GPC5: variants seen among roughly 807,000 people sequenced by gnomAD.
GPC5 encodes glypican 5, also known as glypican-5.
A neutral mutation model predicts 53.9 loss-of-function variants in GPC5; 47 were observed. That is an observed-to-expected ratio of 0.87 (90% CI 0.69 to 1.11). GPC5 has a LOEUF of 1.11. Ranked by LOEUF, GPC5 falls within the 50% of genes most tolerant of loss-of-function variation. GPC5 has a pLI of 0.00. For synonymous variants in GPC5, 286 were observed against 263.3 expected, an observed-to-expected ratio of 1.09 and a Z score of -0.84; for missense variants, 748 against 713.1, an observed-to-expected ratio of 1.05 and a Z score of -0.56.
rs183647799 is a variant in GPC5, at chr13:91,642,981, A to C, written c.326-50206A>C. Among the ~76,000 whole-genome samples, 92 of 152,272 alleles carry C rather than the reference A, an allele frequency of 6.0e-4. 1 individual carries two copies. Among genetic ancestry groups the C allele is most frequent in the Non-Finnish European group, 9.9e-4 (67 of 68,018 alleles). Reference sequence around the variant, plus strand: ...AAAGATAAGCTCCTGCTTGCCACATAAGTACGTTGAGTCCTTGATATTGGA... The same window carrying C: ...AAAGATAAGCTCCTGCTTGCCACATCAGTACGTTGAGTCCTTGATATTGGA... On this transcript the variant is annotated intron_variant, in intron 2 of 7. Coordinates refer to ENST00000377067, the MANE Select transcript of GPC5 (RefSeq NM_004466.6).
At chr13:92,781,768 G>A (rs1291077290) in intron 7 of GPC5, among the ~76,000 whole-genome samples, 1 of 151,994 alleles carries the variant, frequency 6.6e-6, no homozygotes, top group Non-Finnish European at 1.5e-5. Context: ...ATTACCCCTG[G>A]GCATTTAAAA....
intron 2 of GPC5, among the ~76,000 whole-genome samples, chr13:91,469,809 G>A (rs1326796407): frequency 1.3e-5 from 2 of 152,144 alleles, no homozygotes; most frequent in African/African-American, 4.8e-5. Context: ...GGAGGCCGAG[G>A]TGGGTGGATC....
At chr13:92,147,313 A>G (rs1195480859) in intron 7 of GPC5, among the ~76,000 whole-genome samples, 1 of 152,028 alleles carries the variant, frequency 6.6e-6, no homozygotes, top group East Asian at 1.9e-4. Context: ...ATTTATTTGT[A>G]CTATAATTGC....
At chr13:92,765,774 T>C (rs1197703446) in intron 7 of GPC5, among the ~76,000 whole-genome samples, 1 of 152,178 alleles carries the variant, frequency 6.6e-6, no homozygotes, top group Non-Finnish European at 1.5e-5. Context: ...AGCACTGTAC[T>C]AGGTCAGAAA....
chr13:92,091,553 A>G (rs1733887298), intron 6 of GPC5, among the ~76,000 whole-genome samples: 1 of 152,120 alleles, frequency 6.6e-6, no homozygotes, highest in Non-Finnish European at 1.5e-5. Context: ...GCTATAATAT[A>G]CCAGTCCCTG....
chr13:92,474,698 C>T (rs1035883478), intron 7 of GPC5, among the ~76,000 whole-genome samples: 1 of 151,170 alleles, frequency 6.6e-6, no homozygotes, highest in African/African-American at 2.4e-5. Context: ...ATAAAATGAA[C>T]TACAAGTACA....
chr13:92,398,898 T>C (rs149340253), intron 7 of GPC5, among the ~76,000 whole-genome samples: 1 of 152,238 alleles, frequency 6.6e-6, no homozygotes, highest in East Asian at 1.9e-4. Flanking sequence ...TAATCTCTCT[T>C]TCTCTCCCCC....
intron 6 of GPC5, among the ~76,000 whole-genome samples, chr13:92,098,441 A>C (rs2041438606): frequency 6.6e-6 from 1 of 152,122 alleles, no homozygotes; most frequent in African/African-American, 2.4e-5. Flanking sequence ...GGGATTTTTG[A>C]GCTGATCAAA....
intron 2 of GPC5, among the ~76,000 whole-genome samples, chr13:91,509,945 G>A (rs1885149948): frequency 6.6e-6 from 1 of 151,874 alleles, no homozygotes; most frequent in African/African-American, 2.4e-5. Context: ...AAGCCAATAT[G>A]GTTTGTCATT....
chr13:92,648,055 T>C (rs1885831307), intron 7 of GPC5, among the ~76,000 whole-genome samples: 1 of 151,742 alleles, frequency 6.6e-6, no homozygotes, highest in Non-Finnish European at 1.5e-5. Context: ...TAATTTTATA[T>C]CTAAAATGCT....
chr13:91,708,517 A>G (rs1229906943), intron 3 of GPC5, among the ~76,000 whole-genome samples: 1 of 152,178 alleles, frequency 6.6e-6, no homozygotes, highest in Non-Finnish European at 1.5e-5. Flanking sequence ...CCAGGGGCTA[A>G]GAGGTGCAGG....
At chr13:91,511,751 C>A (rs1885240935) in intron 2 of GPC5, among the ~76,000 whole-genome samples, 1 of 151,822 alleles carries the variant, frequency 6.6e-6, no homozygotes, top group Admixed American at 6.6e-5. Context: ...TCTCTTCATG[C>A]ATGTTATCTA....
At chr13:92,023,665 G>GACACACAC (rs367677767) in intron 6 of GPC5, among the ~76,000 whole-genome samples, 27,088 of 139,942 alleles carry the variant, frequency 0.19, 2,883 homozygotes, top group East Asian at 0.38. Flanking sequence ...CTTTGCTGAG[G>GACACACAC]ACACACACAC....
chr13:91,651,096 G>T (rs1372008394), intron 2 of GPC5, among the ~76,000 whole-genome samples: 2 of 151,996 alleles, frequency 1.3e-5, no homozygotes, highest in Non-Finnish European at 2.9e-5. Context: ...ATATATAAAG[G>T]TTATAAAAAG....
At position 91,530,161 on chromosome 13, in the gene GPC5, G is replaced by A. The variant is rs541472019; in HGVS notation, c.325+81239G>A. Reference sequence around the variant, plus strand: ...ATCTGCAAACTTCAACATACATGGAGAGGATCTTTATCTTATGTAACAAAT... The same window carrying A: ...ATCTGCAAACTTCAACATACATGGAAAGGATCTTTATCTTATGTAACAAAT... On this transcript the variant is annotated intron_variant, in intron 2 of 7. Transcript: ENST00000377067. Among the ~76,000 whole-genome samples, 4 of 152,286 alleles carry A rather than the reference G, an allele frequency of 2.6e-5. No individual in the cohort carries two copies. The East Asian group carries it at 7.7e-4, about 29-fold the overall frequency.
chr13:91,487,226 G>A (rs530520668), intron 2 of GPC5, among the ~76,000 whole-genome samples: 244 of 152,290 alleles, frequency 1.6e-3, no homozygotes, highest in Non-Finnish European at 3.0e-3. Flanking sequence ...ATAGCCCAAC[G>A]ATGCTTATAT....
chr13:91,887,994 A>T (rs771338868), intron 5 of GPC5, among the ~76,000 whole-genome samples: 1 of 152,240 alleles, frequency 6.6e-6, no homozygotes, highest in Non-Finnish European at 1.5e-5. Context: ...TGTTAATGGC[A>T]GTACCCTACT....
At chr13:92,105,681 G>A (rs2041504120) in intron 6 of GPC5, among the ~76,000 whole-genome samples, 2 of 151,998 alleles carry the variant, frequency 1.3e-5, no homozygotes, top group South Asian at 2.1e-4. Flanking sequence ...GTTTACTGAT[G>A]TCAACAAAAG....
intron 7 of GPC5, among the ~76,000 whole-genome samples, chr13:92,513,483 T>TAA: frequency 6.7e-6 from 1 of 148,694 alleles, no homozygotes; most frequent in South Asian, 2.1e-4. Flanking sequence ...TTTTTTTTTT[T>TAA]AATTAAGGCA....
Sources: gnomAD v4.1 joint callset for allele counts (sites outside exome capture counted in the v4.1 genomes callset) on GRCh38, gnomAD v4.1.1 for gene constraint, MANE v1.5 for transcripts, NCBI Gene and HGNC (gene_info 2026-07-23, HGNC 2026-07-21) for gene names.